Variants in GPHN observed in about 807,000 individuals in gnomAD.
GPHN encodes the protein gephyrin.
In GPHN, 17 loss-of-function variants were observed where a neutral mutation model predicts 95.5. The observed-to-expected ratio is 0.18, with a 90% CI of 0.12 to 0.27. The LOEUF is 0.27. Ranked by LOEUF, GPHN falls within the 10% of genes least tolerant of loss-of-function variation. The pLI is 1.00. For synonymous variants in GPHN, 320 were observed against 322.5 expected, an observed-to-expected ratio of 0.99 and a Z score of 0.08; for missense variants, 660 against 978.1, an observed-to-expected ratio of 0.67 and a Z score of 4.34.
the GPHN span, chr14:67,340,525 T>TAA: frequency 3.4e-6 from 5 of 1,452,730 alleles, no homozygotes; most frequent in East Asian, 2.4e-5. Flanking sequence ...ATGACTAGAA[T>TAA]AAAAAAAAAA....
chr14:66,850,606 G>C (rs1479145097), intron 4 of GPHN, among the ~76,000 whole-genome samples: 1 of 152,134 alleles, frequency 6.6e-6, no homozygotes, highest in Non-Finnish European at 1.5e-5. Flanking sequence ...ATTTTTGGTT[G>C]TTACAATTGG....
At chr14:67,449,716 T>C in the GPHN span, among the ~76,000 whole-genome samples, 1 of 152,140 alleles carries the variant, frequency 6.6e-6, no homozygotes. Flanking sequence ...AGGAACCCAG[T>C]GGGAGATGAC....
At chr14:67,421,358 C>A in the GPHN span, among the ~76,000 whole-genome samples, 1 of 152,190 alleles carries the variant, frequency 6.6e-6, no homozygotes, top group African/African-American at 2.4e-5. Flanking sequence ...CCTTGAACAT[C>A]GGGATTGTCA....
At chr14:66,681,246 C>T in intron 2 of GPHN, 61 bp downstream of exon 2, 1 of 1,039,086 alleles carries the variant, frequency 9.6e-7, no homozygotes, top group Non-Finnish European at 1.5e-6. Context: ...TGTTCCTTTT[C>T]TCAAAAGAGT....
At chr14:67,344,447 CAAG>C in the GPHN span, among the ~76,000 whole-genome samples, 5 of 152,218 alleles carry the variant, frequency 3.3e-5, no homozygotes, top group East Asian at 9.7e-4. Context: ...ATAAAAATGA[CAAG>C]AAAGAATCAA....
At position 66,508,368 on chromosome 14, in the gene GPHN, C is replaced by T; in HGVS notation, c.-160C>T. ...CGGCGCGGCCTCTCCCCCACGCAGGCCACCGTGCACTCTGTGGCCTCCCCC... is the reference window on the plus strand; with the variant it reads ...CGGCGCGGCCTCTCCCCCACGCAGGTCACCGTGCACTCTGTGGCCTCCCCC... On this transcript the variant is annotated 5_prime_UTR_variant, in exon 1 of 23. Coordinates refer to ENST00000478722, the MANE Select transcript of GPHN (RefSeq NM_020806.5). The T allele has an allele frequency of 2.8e-6, 2 of 721,066 alleles. No individual in the cohort carries two copies. The highest frequency in any genetic ancestry group is 5.2e-5 in the East Asian group (2 of 38,096). 44.7% of individuals were successfully genotyped at this position (721,066 alleles called of 1,614,324 possible). A position where few individuals can be genotyped will look rare whatever the true frequency, so the allele number is the denominator to read the frequency against.
intron 21 of GPHN, 111 bp downstream of exon 21, chr14:67,169,147 A>C (rs2082447658): frequency 2.6e-6 from 2 of 755,008 alleles, no homozygotes; most frequent in Non-Finnish European, 4.7e-6. Context: ...GTTTTGATGG[A>C]AAATGTGATT....
chr14:67,439,593 C>CCTTCT, the GPHN span, among the ~76,000 whole-genome samples: 1,164 of 109,844 alleles, frequency 0.011, 27 homozygotes, highest in East Asian at 0.11. Context: ...TTCTTTCTTT[C>CCTTCT]TTCTTTCTTT....
chr14:66,952,164 A>G (rs2068150388), intron 8 of GPHN, among the ~76,000 whole-genome samples: 2 of 152,170 alleles, frequency 1.3e-5, no homozygotes, highest in African/African-American at 4.8e-5. Flanking sequence ...CTCCCAAAAA[A>G]ACACCTTACT....
the GPHN span, among the ~76,000 whole-genome samples, chr14:67,707,174 G>A: frequency 9.2e-5 from 14 of 152,002 alleles, no homozygotes; most frequent in African/African-American, 3.4e-4. Context: ...GAAAAATGGG[G>A]AAAAAAGAAG....
At chr14:67,114,391 A>C (rs2078555511) in intron 16 of GPHN, among the ~76,000 whole-genome samples, 1 of 152,124 alleles carries the variant, frequency 6.6e-6, no homozygotes, top group Non-Finnish European at 1.5e-5. Flanking sequence ...GAGAAAGCTA[A>C]ACAGTAGCAC....
intron 11 of GPHN, among the ~76,000 whole-genome samples, chr14:67,085,177 T>C (rs72715349): frequency 0.027 from 4,157 of 152,320 alleles, 78 homozygotes; most frequent in Non-Finnish European, 0.036. Context: ...GTAAATATTA[T>C]TGCAAACTAC....
intron 2 of GPHN, among the ~76,000 whole-genome samples, chr14:66,698,353 G>A (rs2153412722): frequency 6.6e-6 from 1 of 152,198 alleles, no homozygotes; most frequent in Middle Eastern, 3.4e-3. Flanking sequence ...AAATCTGTGT[G>A]AAATTACAGA....
At chr14:67,038,294 G>A (rs1487282632) in intron 10 of GPHN, among the ~76,000 whole-genome samples, 1 of 152,068 alleles carries the variant, frequency 6.6e-6, no homozygotes, top group Non-Finnish European at 1.5e-5. Flanking sequence ...CAGGGGCTGG[G>A]AGGAGAGGGA....
At chr14:67,552,958 G>T in the GPHN span, among the ~76,000 whole-genome samples, 18 of 152,222 alleles carry the variant, frequency 1.2e-4, no homozygotes, top group East Asian at 3.5e-3. Flanking sequence ...ATCCGGAGGG[G>T]AAAAAATGCT....
At chr14:66,763,896 A>C (rs559100568) in intron 2 of GPHN, among the ~76,000 whole-genome samples, 1 of 152,140 alleles carries the variant, frequency 6.6e-6, no homozygotes, top group Non-Finnish European at 1.5e-5. Flanking sequence ...AGAAGCACAA[A>C]CCCTATTGTG....
chr14:66,767,441 GAAAAAAAA>G (rs375844697), intron 2 of GPHN, among the ~76,000 whole-genome samples: 4 of 96,888 alleles, frequency 4.1e-5, no homozygotes, highest in Non-Finnish European at 1.1e-4. Flanking sequence ...TTTTTGAACA[GAAAAAAAA>G]AAAAAAAAAG....
the GPHN span, among the ~76,000 whole-genome samples, chr14:67,623,687 G>A: frequency 2.0e-5 from 3 of 151,886 alleles, no homozygotes; most frequent in African/African-American, 7.3e-5. Flanking sequence ...GATTACAGGT[G>A]CCTGCCACTG....
chr14:67,181,844 CA>C (rs1290723487), downstream of GPHN: 2 of 179,832 alleles, frequency 1.1e-5, no homozygotes, highest in East Asian at 2.1e-4. Flanking sequence ...AGAAGATTGT[CA>C]TGCCATTCTG....
Sources: gnomAD v4.1 joint callset for allele counts (sites outside exome capture counted in the v4.1 genomes callset) on GRCh38, gnomAD v4.1.1 for gene constraint, MANE v1.5 for transcripts, NCBI Gene and HGNC (gene_info 2026-07-23, HGNC 2026-07-21) for gene names.